AP3B1: variants seen among roughly 807,000 people sequenced by gnomAD.
The protein encoded by AP3B1 is adaptor related protein complex 3 subunit beta 1.
Under a neutral mutation model 132.5 loss-of-function variants are expected in AP3B1, and 61 were observed. The observed-to-expected ratio is 0.46, with a 90% CI of 0.37 to 0.57. The LOEUF (loss-of-function observed/expected upper bound fraction) is 0.57. Ranked by LOEUF, AP3B1 falls within the 20% of genes least tolerant of loss-of-function variation. AP3B1 has a pLI of 0.00. For missense variants in AP3B1, 1,120 were observed against 1,289.4 expected (o/e 0.87, Z 2.01); for synonymous variants, 388 against 438.3 (o/e 0.89, Z 1.43).
At chr5:78,205,397 A>G (rs774667460) in intron 7 of AP3B1, among the ~76,000 whole-genome samples, 1 of 151,874 alleles carries the variant, frequency 6.6e-6, no homozygotes, top group Admixed American at 6.6e-5. Context: ...AAATCAATAA[A>G]TACATTATTT....
At chr5:78,092,289 T>C (rs1360773596) in intron 21 of AP3B1, among the ~76,000 whole-genome samples, 3 of 152,186 alleles carry the variant, frequency 2.0e-5, no homozygotes, top group Non-Finnish European at 4.4e-5. Context: ...CTGCTGTTTT[T>C]TAAAAAAGGA....
intron 17 of AP3B1, among the ~76,000 whole-genome samples, chr5:78,125,896 G>T (rs1752434820): frequency 1.3e-5 from 2 of 152,140 alleles, no homozygotes; most frequent in South Asian, 4.1e-4. Flanking sequence ...GAAGAAGCCA[G>T]CCAACAAACC....
intron 8 of AP3B1, 132 bp from the exon 9 acceptor site, chr5:78,177,568 G>A (rs978958560): frequency 6.4e-5 from 47 of 739,532 alleles, no homozygotes; most frequent in African/African-American, 4.4e-4. Context: ...GTTACTCTTC[G>A]TAGTGAGTTG....
At chr5:78,269,351 T>C (rs1319802624) in intron 1 of AP3B1, among the ~76,000 whole-genome samples, 1 of 152,198 alleles carries the variant, frequency 6.6e-6, no homozygotes, top group Non-Finnish European at 1.5e-5. Flanking sequence ...GTATAACTTT[T>C]CCTTTCATGT....
At chr5:78,240,697 T>C (rs1189293513) in intron 3 of AP3B1, among the ~76,000 whole-genome samples, 165 bp downstream of exon 3, 1 of 152,200 alleles carries the variant, frequency 6.6e-6, no homozygotes, top group African/African-American at 2.4e-5. Flanking sequence ...GCTAGGATTG[T>C]GCCTACTTTT....
chr5:78,197,209 T>C (rs1490380506), intron 7 of AP3B1, among the ~76,000 whole-genome samples: 1 of 151,924 alleles, frequency 6.6e-6, no homozygotes, highest in Non-Finnish European at 1.5e-5. Context: ...AAGCAGTGAG[T>C]TTAATATATC....
intron 1 of AP3B1, among the ~76,000 whole-genome samples, chr5:78,273,738 C>T (rs980666120): frequency 2.0e-5 from 3 of 152,178 alleles, no homozygotes; most frequent in Middle Eastern, 3.4e-3. Flanking sequence ...ATTAAGATTA[C>T]TGAAGAGCCA....
intron 17 of AP3B1, chr5:78,121,811 T>C (rs1025879748): frequency 2.6e-5 from 4 of 152,134 alleles, no homozygotes; most frequent in South Asian, 2.1e-4. Flanking sequence ...TTCCAATCAA[T>C]AGAAAAAGAG....
intron 7 of AP3B1, among the ~76,000 whole-genome samples, chr5:78,207,588 G>T (rs985082485): frequency 5.3e-5 from 8 of 151,746 alleles, no homozygotes; most frequent in Admixed American, 2.0e-4. Flanking sequence ...ATTACAAAAA[G>T]AAAAGAAAAT....
At position 78,197,328 on chromosome 5, in the gene AP3B1, A is replaced by G. The variant is rs903529697; in HGVS notation, c.787-15666T>C. ...AAATATAGCTTTTCACTTTGCTCTAAAACATTCACTTTCAGAAGAGACAAA... is the reference window on the plus strand; with the variant it reads ...AAATATAGCTTTTCACTTTGCTCTAGAACATTCACTTTCAGAAGAGACAAA... On this transcript the variant is annotated intron_variant, in intron 7 of 26. Transcript: ENST00000255194. 3.9e-5 allele frequency among the ~76,000 whole-genome samples: 6 copies of G among 152,174 alleles called. 1 individual carries two copies. The highest frequency in any genetic ancestry group is 3.9e-4 in the Admixed American group (6 of 15,270).
intron 2 of AP3B1, among the ~76,000 whole-genome samples, chr5:78,256,393 T>C (rs994262924): frequency 2.0e-5 from 3 of 152,038 alleles, no homozygotes; most frequent in Non-Finnish European, 2.9e-5. Context: ...AGCACCCATA[T>C]ATGCCAATAA....
At chr5:78,076,428 C>G (rs190313717) in intron 22 of AP3B1, among the ~76,000 whole-genome samples, 2 of 152,168 alleles carry the variant, frequency 1.3e-5, no homozygotes, top group Non-Finnish European at 2.9e-5. Flanking sequence ...TCTTGAGGGG[C>G]GACCTCTAAA....
chr5:78,057,105 A>G (rs575877967), intron 22 of AP3B1, among the ~76,000 whole-genome samples: 3 of 152,354 alleles, frequency 2.0e-5, no homozygotes, highest in Non-Finnish European at 4.4e-5. Context: ...TTACTGAAAA[A>G]GACACCATGC....
chr5:78,053,454 G>A (rs1027113581), intron 22 of AP3B1, among the ~76,000 whole-genome samples: 2 of 151,974 alleles, frequency 1.3e-5, no homozygotes, highest in Admixed American at 1.3e-4. Context: ...GACCGAGGCC[G>A]GTGGATCACG....
chr5:78,269,122 T>G (rs1748448905), intron 1 of AP3B1, among the ~76,000 whole-genome samples: 1 of 152,210 alleles, frequency 6.6e-6, no homozygotes, highest in Non-Finnish European at 1.5e-5. Context: ...ACTGCATAAA[T>G]CTTAGATACT....
intron 1 of AP3B1, among the ~76,000 whole-genome samples, chr5:78,281,410 G>A (rs1348466367): frequency 6.9e-6 from 1 of 144,212 alleles, no homozygotes; most frequent in African/African-American, 2.6e-5. Flanking sequence ...CTCCAGCCTG[G>A]GCAACAAGAC....
intron 14 of AP3B1, among the ~76,000 whole-genome samples, chr5:78,145,456 C>A (rs1275449693): frequency 6.6e-6 from 1 of 152,136 alleles, no homozygotes; most frequent in Non-Finnish European, 1.5e-5. Context: ...GAACTAGGAT[C>A]AGAACTCCAA....
At chr5:78,157,631 G>T (rs2112359610) in intron 13 of AP3B1, among the ~76,000 whole-genome samples, 1 of 152,198 alleles carries the variant, frequency 6.6e-6, no homozygotes, top group South Asian at 2.1e-4. Flanking sequence ...AATCAACATT[G>T]CCTTTACTTA....
chr5:78,084,512 A>C (rs1750147110), intron 22 of AP3B1, among the ~76,000 whole-genome samples: 1 of 132,446 alleles, frequency 7.6e-6, no homozygotes, highest in South Asian at 2.5e-4. Context: ...CGACAGAGCC[A>C]GACCCTGTCA....
Sources: gnomAD v4.1 joint callset for allele counts (sites outside exome capture counted in the v4.1 genomes callset) on GRCh38, gnomAD v4.1.1 for gene constraint, MANE v1.5 for transcripts, NCBI Gene and HGNC (gene_info 2026-07-23, HGNC 2026-07-21) for gene names.